The following NHEJ1 variants were observed in gnomAD, a reference collection of about 807,000 sequenced individuals.
NHEJ1 encodes the protein non-homologous end-joining factor 1.
In NHEJ1, 22 loss-of-function variants were observed where a neutral mutation model predicts 39.4. The ratio of observed to expected loss-of-function variants is 0.56; its 90% CI spans 0.40 to 0.80. The LOEUF (loss-of-function observed/expected upper bound fraction) is 0.80. NHEJ1 is among the 30% of genes least tolerant of loss of function. The pLI is 0.00. For missense variants in NHEJ1, 329 were observed against 357.1 expected (o/e 0.92, Z 0.63); for synonymous variants, 154 against 135.6 (o/e 1.14, Z -0.94).
intron 5 of NHEJ1, among the ~76,000 whole-genome samples, chr2:219,099,844 C>T (rs375730107): frequency 1.3e-5 from 2 of 152,014 alleles, no homozygotes; most frequent in Non-Finnish European, 2.9e-5. Context: ...GAGGAAGAGA[C>T]TGAAGATAAA....
chr2:219,084,741 T>C (rs1949096886), intron 5 of NHEJ1, among the ~76,000 whole-genome samples: 1 of 152,140 alleles, frequency 6.6e-6, no homozygotes, highest in Admixed American at 6.5e-5. Context: ...TCTTCCTACC[T>C]CCCCAAAATA....
chr2:219,110,761 G>A (rs755256009), intron 5 of NHEJ1, among the ~76,000 whole-genome samples: 5 of 152,056 alleles, frequency 3.3e-5, no homozygotes, highest in South Asian at 2.1e-4. Flanking sequence ...CAGAGGGAAC[G>A]GCAAGTGAGA....
chr2:219,142,956 A>T (rs898999435), intron 5 of NHEJ1, among the ~76,000 whole-genome samples: 6 of 152,188 alleles, frequency 3.9e-5, no homozygotes, highest in Non-Finnish European at 2.9e-5. Context: ...AAAAGGACCA[A>T]ATAGGGAGAA....
intron 5 of NHEJ1, among the ~76,000 whole-genome samples, chr2:219,146,384 T>A (rs1213085123): frequency 6.6e-6 from 1 of 152,212 alleles, no homozygotes; most frequent in African/African-American, 2.4e-5. Context: ...ATTTAATAAC[T>A]GGTCAACCAA....
intron 5 of NHEJ1, among the ~76,000 whole-genome samples, chr2:219,109,881 A>C (rs1362725420): frequency 6.6e-6 from 1 of 152,180 alleles, no homozygotes; most frequent in East Asian, 1.9e-4. Flanking sequence ...ACGACAGTAT[A>C]TTATGCAATA....
In NHEJ1 at chr2:219,159,569, ATATATG is replaced by A; in HGVS notation, c.-1+1145_-1+1150del. 5.6e-4 allele frequency among the ~76,000 whole-genome samples: 8 copies of A among 14,342 alleles called. 2 individuals carry two copies. The East Asian group carries it at 6.0e-3, about 11-fold the overall frequency. The allele number at this position is 14,342 out of a possible 152,430, so 9.4% of individuals were successfully genotyped here. ...TATATATGCATATATATATGCATAT[ATATATG>A]CATATATATATGCATATATATATAT... is the stretch of plus-strand genomic sequence containing the variant. On this transcript the variant is annotated intron_variant, in intron 1 of 7. Coordinates refer to ENST00000356853, the MANE Select transcript of NHEJ1 (RefSeq NM_024782.3).
At chr2:219,146,506 C>T (rs1006924748) in intron 5 of NHEJ1, among the ~76,000 whole-genome samples, 174 bp downstream of exon 5, 1 of 152,028 alleles carries the variant, frequency 6.6e-6, no homozygotes, top group African/African-American at 2.4e-5. Context: ...CGTTTTTTCC[C>T]TCATCTTCCC....
At chr2:219,100,768 C>T (rs1311336922) in intron 5 of NHEJ1, among the ~76,000 whole-genome samples, 10 of 152,096 alleles carry the variant, frequency 6.6e-5, no homozygotes, top group South Asian at 2.1e-4. Flanking sequence ...TCTGGACCCA[C>T]GAAGCTAACC....
intron 5 of NHEJ1, among the ~76,000 whole-genome samples, chr2:219,120,781 G>A (rs1001876639): frequency 2.1e-4 from 32 of 152,170 alleles, no homozygotes; most frequent in Admixed American, 1.6e-3. Context: ...GCCCTAGTAT[G>A]AGCCAATAAA....
intron 5 of NHEJ1, among the ~76,000 whole-genome samples, chr2:219,098,858 A>G (rs1949231694): frequency 1.3e-5 from 2 of 152,238 alleles, no homozygotes; most frequent in African/African-American, 2.4e-5. Flanking sequence ...CTTTCTGACT[A>G]CATTTGACTG....
At chr2:219,116,443 A>C (rs1284655516) in intron 5 of NHEJ1, among the ~76,000 whole-genome samples, 1 of 151,770 alleles carries the variant, frequency 6.6e-6, no homozygotes, top group African/African-American at 2.4e-5. Flanking sequence ...AGCAGCCTTG[A>C]CCTCCCAGGC....
chr2:219,080,548 AAAAT>A (rs1424111041), intron 5 of NHEJ1, among the ~76,000 whole-genome samples: 1 of 136,012 alleles, frequency 7.4e-6, no homozygotes, highest in Non-Finnish European at 1.5e-5. Flanking sequence ...TAAATAAATA[AAAAT>A]ATATATATAT....
intron 5 of NHEJ1, among the ~76,000 whole-genome samples, chr2:219,126,667 G>A (rs1253646623): frequency 2.6e-5 from 4 of 152,162 alleles, no homozygotes; most frequent in Non-Finnish European, 5.9e-5. Flanking sequence ...CTAGTAGGAG[G>A]AGCCAGAAAA....
At chr2:219,109,770 T>C (rs749652664) in intron 5 of NHEJ1, among the ~76,000 whole-genome samples, 29 of 152,270 alleles carry the variant, frequency 1.9e-4, no homozygotes, top group South Asian at 6.2e-4. Context: ...CTGCCTGCAA[T>C]TCACAGGCCA....
At chr2:219,093,540 C>T (rs187518216) in intron 5 of NHEJ1, among the ~76,000 whole-genome samples, 16 of 152,244 alleles carry the variant, frequency 1.1e-4, no homozygotes, top group African/African-American at 3.4e-4. Flanking sequence ...CCTAAACTCC[C>T]ACAAGACAGA....
At chr2:219,145,186 G>A (rs1205699982) in intron 5 of NHEJ1, among the ~76,000 whole-genome samples, 1 of 152,140 alleles carries the variant, frequency 6.6e-6, no homozygotes. Context: ...TGGCACTCCA[G>A]TCTGGGTGAC....
chr2:219,158,529 T>TA (rs1160797263), intron 1 of NHEJ1, among the ~76,000 whole-genome samples, 167 bp from the exon 2 acceptor site: 2 of 152,126 alleles, frequency 1.3e-5, no homozygotes, highest in Non-Finnish European at 2.9e-5. Context: ...AGCACTGACT[T>TA]TACTACCTCC....
intron 3 of NHEJ1, among the ~76,000 whole-genome samples, chr2:219,156,767 T>C (rs1949858804): frequency 6.6e-6 from 1 of 152,236 alleles, no homozygotes; most frequent in African/African-American, 2.4e-5. Context: ...TAGAAAGGTA[T>C]CTAACACTGG....
At chr2:219,141,016 A>T (rs1949685264) in intron 5 of NHEJ1, among the ~76,000 whole-genome samples, 1 of 152,222 alleles carries the variant, frequency 6.6e-6, no homozygotes. Context: ...CAAAACTACA[A>T]ATTCAACTGC....
Sources: gnomAD v4.1 joint callset for allele counts (sites outside exome capture counted in the v4.1 genomes callset) on GRCh38, gnomAD v4.1.1 for gene constraint, MANE v1.5 for transcripts, NCBI Gene and HGNC (gene_info 2026-07-23, HGNC 2026-07-21) for gene names.